Variants in NEK7 observed in about 807,000 individuals in gnomAD.
NEK7 encodes serine/threonine-protein kinase Nek7.
In NEK7, 18 loss-of-function variants were observed where a neutral mutation model predicts 44.6. That is an observed-to-expected ratio of 0.40 (90% CI 0.28 to 0.60). The LOEUF (loss-of-function observed/expected upper bound fraction) is 0.60. Ranked by LOEUF, NEK7 falls within the 20% of genes least tolerant of loss-of-function variation. The pLI is 0.38. For missense variants in NEK7, 256 were observed against 366.5 expected, an observed-to-expected ratio of 0.70 and a Z score of 2.46; for synonymous variants, 130 against 121.1, an observed-to-expected ratio of 1.07 and a Z score of -0.48.
intron 9 of NEK7, among the ~76,000 whole-genome samples, chr1:198,312,911 T>G (rs1345663721): frequency 1.3e-5 from 2 of 152,216 alleles, no homozygotes; most frequent in Non-Finnish European, 2.9e-5. Context: ...AAAATGTATT[T>G]TCTGTTGATT....
At chr1:198,219,080 G>A (rs1420193512) in intron 1 of NEK7, among the ~76,000 whole-genome samples, 5 of 151,694 alleles carry the variant, frequency 3.3e-5, no homozygotes, top group Non-Finnish European at 7.4e-5. Context: ...AGAAAAAGAA[G>A]TCACTGTATC....
At chr1:198,231,180 T>C (rs1247970399) in intron 1 of NEK7, among the ~76,000 whole-genome samples, 2 of 150,604 alleles carry the variant, frequency 1.3e-5, no homozygotes, top group East Asian at 1.9e-4. Flanking sequence ...GTAGGTACAC[T>C]GTAGGGCAGT....
chr1:198,217,319 T>C (rs1665950116), intron 1 of NEK7, among the ~76,000 whole-genome samples: 2 of 152,046 alleles, frequency 1.3e-5, no homozygotes. Flanking sequence ...ATTGATCACA[T>C]GAACAGAATT....
chr1:198,195,438 A>G (rs142394040), intron 1 of NEK7, among the ~76,000 whole-genome samples: 14 of 152,338 alleles, frequency 9.2e-5, no homozygotes, highest in African/African-American at 3.4e-4. Flanking sequence ...CCATTTAACC[A>G]TATATCCCCC....
At chr1:198,272,939 T>C (rs1035085859) in intron 5 of NEK7, among the ~76,000 whole-genome samples, 2 of 151,796 alleles carry the variant, frequency 1.3e-5, no homozygotes, top group Non-Finnish European at 3.0e-5. Context: ...TTTAAGAGGT[T>C]TTTTTCCCTC....
At chr1:198,261,902 C>T (rs1257167766) in intron 3 of NEK7, among the ~76,000 whole-genome samples, 1 of 151,836 alleles carries the variant, frequency 6.6e-6, no homozygotes, top group Non-Finnish European at 1.5e-5. Flanking sequence ...TCCACAAATA[C>T]AGTATATCTG....
At chr1:198,256,456 T>C in intron 3 of NEK7, 1 of 1,605,278 alleles carries the variant, frequency 6.2e-7, no homozygotes, top group Non-Finnish European at 8.5e-7. Context: ...AAAATTTACC[T>C]GTATCCCATC....
intron 5 of NEK7, 185 bp from the exon 6 acceptor site, chr1:198,277,775 GA>G (rs1253470538): frequency 1.9e-6 from 1 of 528,894 alleles, no homozygotes; most frequent in South Asian, 2.6e-5. Flanking sequence ...GTTATAATAG[GA>G]AAAAAACTTA....
At chr1:198,268,000 T>C (rs895932201) in intron 5 of NEK7, among the ~76,000 whole-genome samples, 5 of 151,966 alleles carry the variant, frequency 3.3e-5, no homozygotes, top group Non-Finnish European at 7.4e-5. Flanking sequence ...TTTCATTCTC[T>C]TCCTAAAACA....
chr1:198,181,614 T>C (rs908856942), intron 1 of NEK7, among the ~76,000 whole-genome samples: 1 of 152,006 alleles, frequency 6.6e-6, no homozygotes, highest in Non-Finnish European at 1.5e-5. Context: ...CCAGTGCTTT[T>C]CCCCCCATGT....
intron 9 of NEK7, among the ~76,000 whole-genome samples, chr1:198,298,017 C>T (rs906575073): frequency 1.6e-4 from 25 of 152,170 alleles, no homozygotes; most frequent in Admixed American, 1.0e-3. Context: ...CATCATTTTA[C>T]GAATATTTAA....
intron 1 of NEK7, among the ~76,000 whole-genome samples, chr1:198,183,973 G>T (rs563931546): frequency 6.6e-6 from 1 of 152,094 alleles, no homozygotes. Context: ...TGGAATGTAG[G>T]TGCCTACCCT....
intron 1 of NEK7, among the ~76,000 whole-genome samples, chr1:198,210,876 C>A (rs1481917777): frequency 2.0e-5 from 3 of 150,334 alleles, no homozygotes; most frequent in Non-Finnish European, 4.5e-5. Flanking sequence ...CCTCAGCCTC[C>A]CAAGTAGCTG....
Position 198,319,729 on chromosome 1 carries a change from G to C in NEK7, c.*207G>C. On this transcript the variant is annotated 3_prime_UTR_variant, in exon 10 of 10. Transcript: ENST00000367385. ...CAAATGACTTTGGAATAACTGAATT[G>C]CATGTTAGGAGAGAAAATGAAACAT... The C allele has an allele frequency of 2.2e-6, 1 of 447,616 alleles. No individual in the cohort carries two copies. Among genetic ancestry groups the C allele is most frequent in the South Asian group, 4.9e-5 (1 of 20,444 alleles). 27.7% of individuals were successfully genotyped at this position (447,616 alleles called of 1,614,324 possible). A position where few individuals can be genotyped will look rare whatever the true frequency, so the allele number is the denominator to read the frequency against.
intron 1 of NEK7, among the ~76,000 whole-genome samples, chr1:198,176,141 G>C (rs1003322290): frequency 6.6e-6 from 1 of 152,114 alleles, no homozygotes; most frequent in South Asian, 2.1e-4. Flanking sequence ...ACTGTGTTTA[G>C]TTATTCAACA....
chr1:198,284,489 G>A (rs1281917314), intron 7 of NEK7, among the ~76,000 whole-genome samples: 3 of 152,070 alleles, frequency 2.0e-5, no homozygotes, highest in Non-Finnish European at 4.4e-5. Context: ...TGTCTTCATG[G>A]CCATCTGTCC....
chr1:198,198,265 GA>G (rs1665305006), intron 1 of NEK7: 1 of 524,144 alleles, frequency 1.9e-6, no homozygotes, highest in Admixed American at 3.3e-5. Context: ...TTTTAGAAGG[GA>G]ACCCCCCATG....
intron 1 of NEK7, chr1:198,197,940 A>G (rs1282318686): frequency 4.6e-6 from 7 of 1,505,584 alleles, no homozygotes; most frequent in Non-Finnish European, 5.5e-6. Context: ...GGAGGCATCC[A>G]GGGGCAGGTG....
intron 1 of NEK7, among the ~76,000 whole-genome samples, chr1:198,186,345 C>T (rs745715254): frequency 1.3e-5 from 2 of 152,096 alleles, no homozygotes; most frequent in African/African-American, 4.8e-5. Context: ...TTTAGAATTT[C>T]CTTTAAAAGT....
Sources: allele counts gnomAD v4.1 joint callset (sites outside exome capture counted in the v4.1 genomes callset), GRCh38; gene constraint gnomAD v4.1.1; transcripts MANE v1.5; gene names NCBI Gene and HGNC (gene_info 2026-07-23, HGNC 2026-07-21).